The following MYO5C variants were observed in gnomAD, a reference collection of about 807,000 sequenced individuals.
The protein encoded by MYO5C is unconventional myosin-Vc.
MYO5C carries 194 observed loss-of-function variants against 235.7 expected under a neutral mutation model. That is an observed-to-expected ratio of 0.82 (90% CI 0.73 to 0.93). The LOEUF is 0.93. Ranked by LOEUF, MYO5C falls within the 40% of genes least tolerant of loss-of-function variation. The pLI, the probability that MYO5C is intolerant of heterozygous loss-of-function variation, is 0.00. For missense variants in MYO5C, 2,038 were observed against 2,127.2 expected, an observed-to-expected ratio of 0.96 and a Z score of 0.82; for synonymous variants, 707 against 754.8, an observed-to-expected ratio of 0.94 and a Z score of 1.04.
chr15:52,240,619 C>A (rs1189300393), intron 20 of MYO5C, among the ~76,000 whole-genome samples: 1 of 151,418 alleles, frequency 6.6e-6, no homozygotes. Flanking sequence ...GTGGTCCCAG[C>A]TACTCAGGAG....
chr15:52,285,258 C>T (rs55845575), intron 1 of MYO5C, among the ~76,000 whole-genome samples: 84,078 of 151,700 alleles, frequency 0.55, 27,681 homozygotes, highest in Non-Finnish European at 0.73. Context: ...ATCCCAACTA[C>T]TCAGGAGGCT....
rs2037104785 is a variant in MYO5C, at chr15:52,278,865, G to T, written c.449+8C>A. ...AGCAAGGGGAAGTCCAGCTTGGCAGGAAGCTACCTGGCCATCTGCTTGTAT... is the reference window on the plus strand; with the variant it reads ...AGCAAGGGGAAGTCCAGCTTGGCAGTAAGCTACCTGGCCATCTGCTTGTAT... On this transcript the variant is annotated splice_region_variant and intron_variant, in intron 4 of 40. Coordinates refer to ENST00000261839, the MANE Select transcript of MYO5C (RefSeq NM_018728.4). 6.2e-7 allele frequency: 1 copy of T among 1,613,268 alleles called. No homozygotes were observed. Among genetic ancestry groups the T allele is most frequent in the African/African-American group, 1.3e-5 (1 of 74,894 alleles).
chr15:52,283,245 GC>G (rs1445832172), intron 1 of MYO5C, among the ~76,000 whole-genome samples: 1 of 152,226 alleles, frequency 6.6e-6, no homozygotes, highest in African/African-American at 2.4e-5. Flanking sequence ...GGAACTCTGG[GC>G]CAGACACTTA....
chr15:52,274,571 C>T (rs1596221482), intron 5 of MYO5C, among the ~76,000 whole-genome samples: 2 of 152,158 alleles, frequency 1.3e-5, no homozygotes, highest in African/African-American at 4.8e-5. Context: ...AGCCACCGCA[C>T]CCAGCCTTGA....
rs763063601 is a variant in MYO5C, at chr15:52,280,096, C to G, written c.139-422G>C. ...GGCCATGCAAGTTTTCATTTGAAAA[C>G]AAGATGCTGCAGCTAAAATGACACA... On this transcript the variant is annotated intron_variant, in intron 2 of 40. Coordinates refer to ENST00000261839, the MANE Select transcript of MYO5C (RefSeq NM_018728.4). Among the ~76,000 whole-genome samples the G allele has an allele frequency of 4.0e-4, 61 of 152,222 alleles. 1 individual carries two copies. Among genetic ancestry groups the G allele is most frequent in the Non-Finnish European group, 7.2e-4 (49 of 68,048 alleles).
chr15:52,269,845 A>C lies in MYO5C; in HGVS notation c.848T>G (p.Phe283Cys). The change falls in exon 8 of 41, where the codon TTT becomes TGT. Residue 283 changes from phenylalanine (F) to cysteine (C), a missense_variant. Transcript: ENST00000261839. Reference sequence around the variant, plus strand: ...ATTGCCTCCCATTCTTGTATAATTAAATTCTTCGGCACTCCCTGAAATCAA... The same window carrying C: ...ATTGCCTCCCATTCTTGTATAATTACATTCTTCGGCACTCCCTGAAATCAA... The part of the protein sequence containing the change: ...KHLKLGSAEE[F>C]NYTRMGGNTV... 1.2e-6 allele frequency: 2 copies of C among 1,612,368 alleles called. No individual in the cohort carries two copies. Among genetic ancestry groups the C allele is most frequent in the African/African-American group, 2.7e-5 (2 of 74,978 alleles).
chr15:52,260,721 T>G (rs555533204), intron 10 of MYO5C, 141 bp downstream of exon 10: 1 of 885,414 alleles, frequency 1.1e-6, no homozygotes, highest in East Asian at 2.6e-5. Context: ...AGAGTGTACT[T>G]AGCATCTATA....
At chr15:52,255,379 T>A (rs538873609) in intron 11 of MYO5C, among the ~76,000 whole-genome samples, 27 of 152,356 alleles carry the variant, frequency 1.8e-4, no homozygotes, top group African/African-American at 6.5e-4. Flanking sequence ...TGTTAGGGTA[T>A]TAAAGTGTGA....
At chr15:52,269,132 T>C (rs1037079555) in intron 8 of MYO5C, among the ~76,000 whole-genome samples, 8 of 152,350 alleles carry the variant, frequency 5.3e-5, no homozygotes, top group Middle Eastern at 6.8e-3. Flanking sequence ...CTGAACCGAA[T>C]TGGACCTTGG....
intron 38 of MYO5C, among the ~76,000 whole-genome samples, chr15:52,199,774 G>T (rs2035142927): frequency 6.6e-6 from 1 of 152,166 alleles, no homozygotes; most frequent in Non-Finnish European, 1.5e-5. Context: ...GAAGAGAAGG[G>T]AAACTTCCCT....
chr15:52,279,376 T>C (rs2140857061), intron 3 of MYO5C, 133 bp downstream of exon 3: 2 of 872,814 alleles, frequency 2.3e-6, no homozygotes, highest in East Asian at 2.6e-5. Context: ...TTGTTGAAGA[T>C]TCTCCCCACC....
rs906570175 is a variant in MYO5C at position 52,212,927 on chromosome 15, G to A, written c.4141+261C>T. On this transcript the variant is annotated intron_variant, in intron 34 of 40. Transcript: ENST00000261839. Reference sequence around the variant, plus strand: ...CCCCACAGGACATTCGGCAATACCTGGAGATATCTTTTATTGTCATCACTA... The same window carrying A: ...CCCCACAGGACATTCGGCAATACCTAGAGATATCTTTTATTGTCATCACTA... Among the ~76,000 whole-genome samples the A allele has an allele frequency of 2.6e-5, 4 of 152,182 alleles. No individual in the cohort carries two copies. The East Asian group carries it at 7.7e-4, about 29-fold the overall frequency.
chr15:52,212,037 T>C (rs2035452776), intron 34 of MYO5C, among the ~76,000 whole-genome samples, 153 bp from the exon 35 acceptor site: 1 of 152,256 alleles, frequency 6.6e-6, no homozygotes, highest in Non-Finnish European at 1.5e-5. Flanking sequence ...GAATTCCATC[T>C]GGCTCCTTTC....
chr15:52,229,788 T>C (rs2035908652), intron 24 of MYO5C, among the ~76,000 whole-genome samples: 1 of 152,240 alleles, frequency 6.6e-6, no homozygotes, highest in African/African-American at 2.4e-5. Context: ...CTGTTTCCTC[T>C]TCCCTTAGGT....
chr15:52,223,318 A>G (rs1056968904), intron 29 of MYO5C, among the ~76,000 whole-genome samples: 1 of 152,164 alleles, frequency 6.6e-6, no homozygotes, highest in Non-Finnish European at 1.5e-5. Flanking sequence ...CACACAGACA[A>G]TCACAGCGCC....
chr15:52,200,419 T>TTA (rs2035160804), intron 38 of MYO5C, among the ~76,000 whole-genome samples: 1 of 152,002 alleles, frequency 6.6e-6, no homozygotes, highest in Admixed American at 6.6e-5. Flanking sequence ...AATGTAAAAA[T>TTA]TAGCCAGATA....
chr15:52,237,659 A>C lies in MYO5C; in HGVS notation c.2704-13T>G. ...GGTTTTCTTTGTTCTAGAGAAAAGA[A>C]AATTCAGATGTTTAGAGGTTAATCC... On this transcript the variant is annotated splice_polypyrimidine_tract_variant and intron_variant, in intron 21 of 40. Coordinates refer to ENST00000261839, the MANE Select transcript of MYO5C (RefSeq NM_018728.4). 2 of 1,602,534 alleles carry C rather than the reference A, an allele frequency of 1.2e-6. No individual in the cohort carries two copies. The highest frequency in any genetic ancestry group is 3.5e-5 in the Admixed American group (2 of 57,364).
At chr15:52,245,835 T>G (rs897533714) in intron 17 of MYO5C, 121 bp downstream of exon 17, 1 of 857,524 alleles carries the variant, frequency 1.2e-6, no homozygotes, top group Admixed American at 2.2e-5. Flanking sequence ...TGGGAAAATC[T>G]TGGGGGCACT....
At chr15:52,275,496 G>A (rs972613267) in intron 5 of MYO5C, 66 bp downstream of exon 5, 3 of 1,589,440 alleles carry the variant, frequency 1.9e-6, no homozygotes, top group African/African-American at 1.3e-5. Flanking sequence ...AGCCAGGAGA[G>A]CACACAAACC....
Sources: allele counts gnomAD v4.1 joint callset (sites outside exome capture counted in the v4.1 genomes callset), GRCh38; gene constraint gnomAD v4.1.1; transcripts MANE v1.5; gene names NCBI Gene and HGNC (gene_info 2026-07-23, HGNC 2026-07-21).